The following FGF5 variants were observed in gnomAD, a reference collection of about 807,000 sequenced individuals.
FGF5 encodes fibroblast growth factor 5.
FGF5 carries 23 observed loss-of-function variants against 21.8 expected under a neutral mutation model. The observed-to-expected ratio is 1.05, with a 90% confidence interval of 0.76 to 1.49. The LOEUF (loss-of-function observed/expected upper bound fraction) is 1.49. FGF5 is among the 40% of genes most tolerant of loss of function. The probability of loss-of-function intolerance (pLI) is 0.00; values close to 1 mark genes in which losing one functional copy is unlikely to be tolerated. For synonymous variants in FGF5, 158 were observed against 124.0 expected, an observed-to-expected ratio of 1.27 and a Z score of -1.82; for missense variants, 352 against 332.9, an observed-to-expected ratio of 1.06 and a Z score of -0.45.
At chr4:80,282,066 G>A (rs899001291) in intron 2 of FGF5, among the ~76,000 whole-genome samples, 1 of 152,194 alleles carries the variant, frequency 6.6e-6, no homozygotes, top group East Asian at 1.9e-4. Context: ...GGGTTCAAGC[G>A]ATTCTCCTGC....
chr4:80,283,024 A>G (rs1484295466), intron 2 of FGF5, among the ~76,000 whole-genome samples: 1 of 152,194 alleles, frequency 6.6e-6, no homozygotes, highest in Admixed American at 6.5e-5. Flanking sequence ...TAGGGTCACC[A>G]TCTTGTCTGA....
intron 1 of FGF5, among the ~76,000 whole-genome samples, chr4:80,273,970 T>TA (rs1388542010): frequency 6.6e-6 from 1 of 152,118 alleles, no homozygotes; most frequent in Non-Finnish European, 1.5e-5. Context: ...AGTCTCTTTT[T>TA]AAAAATTTTG....
Position 80,290,147 on chromosome 4 carries a change from C to T in FGF5, c.*3475C>T, listed in dbSNP as rs1249183498. The T allele has an allele frequency of 3.3e-5, 5 of 151,990 alleles. No homozygotes were observed. The highest frequency in any genetic ancestry group is 1.2e-4 in the African/African-American group (5 of 41,406). The allele number at this position is 151,990 out of a possible 1,614,324, so 9.4% of individuals were successfully genotyped here. A position where few individuals can be genotyped will look rare whatever the true frequency, so the allele number is the denominator to read the frequency against. ...AGTTGCAGAGAATTGTTTCTGGGCT[C>T]ATTAAAAAAAGTAGTATTGCAGACA... is the stretch of plus-strand genomic sequence containing the variant. On this transcript the variant is annotated 3_prime_UTR_variant, in exon 3 of 3. Transcript: ENST00000312465.
chr4:80,277,875 G>T (rs1720457284), intron 2 of FGF5, among the ~76,000 whole-genome samples: 1 of 152,100 alleles, frequency 6.6e-6, no homozygotes, highest in South Asian at 2.1e-4. Flanking sequence ...CTCAGTTTTT[G>T]TAATAATAAT....
chr4:80,272,044 T>C (rs35414733), intron 1 of FGF5, among the ~76,000 whole-genome samples: 104 of 152,302 alleles, frequency 6.8e-4, no homozygotes, highest in African/African-American at 2.3e-3. Flanking sequence ...ACTGCTGACA[T>C]TACTTTGGAA....
intron 2 of FGF5, among the ~76,000 whole-genome samples, chr4:80,281,745 G>T (rs1472349768): frequency 5.9e-5 from 9 of 152,108 alleles, no homozygotes; most frequent in Admixed American, 5.9e-4. Context: ...ATTTTAGAGA[G>T]ATTTTTTTAA....
intron 1 of FGF5, among the ~76,000 whole-genome samples, chr4:80,270,212 C>A (rs1309859638): frequency 2.6e-5 from 4 of 152,210 alleles, no homozygotes. Context: ...AAAACCTATT[C>A]TTTTTGTTAC....
chr4:80,280,307 T>C (rs964049867), intron 2 of FGF5, among the ~76,000 whole-genome samples: 3 of 152,222 alleles, frequency 2.0e-5, no homozygotes, highest in Non-Finnish European at 4.4e-5. Flanking sequence ...GGAGGTCTAG[T>C]TAAAAGACCT....
Position 80,286,504 on chromosome 4 carries a change from C to G in FGF5, c.639C>G (p.Thr213=). The G allele has an allele frequency of 6.2e-7, 1 of 1,614,000 alleles. No homozygotes were observed. The highest frequency in any genetic ancestry group is 1.1e-5 in the South Asian group (1 of 91,070). ...SPRVKPQHIS[T]HFLPRFKQSE... is the part of the protein sequence containing the mutation. ...GGGTTAAACCCCAGCATATCTCTAC[C>G]CATTTTCTGCCAAGATTCAAGCAGT... The change falls in exon 3 of 3, where the codon ACC becomes ACG. Residue 213 remains threonine, a synonymous_variant. Transcript: ENST00000312465.
In FGF5 at chr4:80,266,910, A is replaced by G. The variant is rs768153756; in HGVS notation, c.86A>G (p.Lys29Arg). Reference sequence around the variant, plus strand: ...CACGGGGAGAAGCGTCTCGCCCCCAAAGGGCAACCCGGACCCGCTGCCACT... The same window carrying G: ...CACGGGGAGAAGCGTCTCGCCCCCAGAGGGCAACCCGGACCCGCTGCCACT... ...WAHGEKRLAP[K>R]GQPGPAATDR... is the part of the protein sequence containing the mutation. Residue 29 changes from lysine to arginine, a missense_variant, in exon 1 of 3, where the codon AAA (lysine) becomes AGA (arginine). Physicochemically the swap from Lys to Arg is conservative, Grantham distance 26 (BLOSUM62 2). Transcript: ENST00000312465. 7 of 1,613,934 alleles carry G rather than the reference A, an allele frequency of 4.3e-6. No homozygotes were observed. The Admixed American group carries it at 1.2e-4, about 27-fold the overall frequency.
At chr4:80,267,222 C>A in intron 1 of FGF5, 43 bp downstream of exon 1, 1 of 1,488,036 alleles carries the variant, frequency 6.7e-7, no homozygotes, top group Non-Finnish European at 9.2e-7. Context: ...TAGGCGGCCG[C>A]GGAAGATTCG....
At chr4:80,271,853 G>T (rs1720279909) in intron 1 of FGF5, among the ~76,000 whole-genome samples, 1 of 152,154 alleles carries the variant, frequency 6.6e-6, no homozygotes, top group Admixed American at 6.5e-5. Flanking sequence ...AATGTTTTCA[G>T]AAATTTATAT....
chr4:80,286,045 A>T (rs1720706379), intron 2 of FGF5, among the ~76,000 whole-genome samples: 1 of 152,242 alleles, frequency 6.6e-6, no homozygotes, highest in Admixed American at 6.5e-5. Context: ...GTTTAAATGT[A>T]TCAAGAGTTC....
chr4:80,268,450 G>T, intron 1 of FGF5: 1 of 985,120 alleles, frequency 1.0e-6, no homozygotes, highest in African/African-American at 1.7e-5. Flanking sequence ...TCAGACCAAA[G>T]ACTCCACGGG....
chr4:80,266,716 C>G lies in FGF5; in HGVS notation c.-109C>G. On this transcript the variant is annotated 5_prime_UTR_variant, in exon 1 of 3. Coordinates refer to ENST00000312465, the MANE Select transcript of FGF5 (RefSeq NM_004464.4). Reference sequence around the variant, plus strand: ...CCCCTTCTCTTCCCCGAGGCTATGTCCACCCGGTGCGGCGAGGCGGGCAGA... The same window carrying G: ...CCCCTTCTCTTCCCCGAGGCTATGTGCACCCGGTGCGGCGAGGCGGGCAGA... 1 of 949,182 alleles carries G rather than the reference C, an allele frequency of 1.1e-6. No homozygotes were observed. Among genetic ancestry groups the G allele is most frequent in the Non-Finnish European group, 1.6e-6 (1 of 633,240 alleles). 58.8% of individuals were successfully genotyped at this position (949,182 alleles called of 1,614,324 possible).
rs940643533 is a variant in FGF5, at chr4:80,287,723, T to C, written c.*1051T>C. ...ACAGGGAGCAAACACTTAGAAATGA[T>C]AGAGAACTGAAGGAGATCAATGGTT... On this transcript the variant is annotated 3_prime_UTR_variant, in exon 3 of 3. Transcript: ENST00000312465. The C allele has an allele frequency of 4.6e-5, 7 of 152,166 alleles. No individual in the cohort carries two copies. The highest frequency in any genetic ancestry group is 3.3e-4 in the Admixed American group (5 of 15,264). 9.4% of individuals were successfully genotyped at this position (152,166 alleles called of 1,614,324 possible).
intron 2 of FGF5, among the ~76,000 whole-genome samples, chr4:80,280,790 G>T (rs755140794): frequency 6.6e-6 from 1 of 152,064 alleles, no homozygotes; most frequent in Non-Finnish European, 1.5e-5. Flanking sequence ...TGTTTTGCCT[G>T]GTGTGGTCCT....
chr4:80,282,108 G>A (rs1050378420), intron 2 of FGF5, among the ~76,000 whole-genome samples: 3 of 151,984 alleles, frequency 2.0e-5, no homozygotes, highest in African/African-American at 4.8e-5. Context: ...GATTACAGGC[G>A]CGCACAACCA....
At chr4:80,271,535 T>C (rs1465041403) in intron 1 of FGF5, among the ~76,000 whole-genome samples, 1 of 152,162 alleles carries the variant, frequency 6.6e-6, no homozygotes, top group Non-Finnish European at 1.5e-5. Flanking sequence ...CCCCGTGCCT[T>C]CTCAAGCAGG....
Sources: gnomAD v4.1 joint callset for allele counts (sites outside exome capture counted in the v4.1 genomes callset) on GRCh38, gnomAD v4.1.1 for gene constraint, MANE v1.5 for transcripts, NCBI Gene and HGNC (gene_info 2026-07-23, HGNC 2026-07-21) for gene names.